The following TTC28 variants were observed in gnomAD, a reference collection of about 807,000 sequenced individuals.
The protein encoded by TTC28 is tetratricopeptide repeat domain 28.
In TTC28, 61 loss-of-function variants were observed where a neutral mutation model predicts 198.0. The observed-to-expected ratio is 0.31, with a 90% confidence interval of 0.25 to 0.38. The LOEUF is 0.38. TTC28 is among the 10% of genes least tolerant of loss of function. The pLI, the probability that TTC28 is intolerant of heterozygous loss-of-function variation, is 1.00. For missense variants in TTC28, 2,678 were observed against 3,164.0 expected (o/e 0.85, Z 3.69); for synonymous variants, 1,171 against 1,297.8 (o/e 0.90, Z 2.10).
At position 28,108,286 on chromosome 22, in the gene TTC28, A is replaced by G; in HGVS notation, c.1559T>C (p.Met520Thr). ...YAAQGRAYGN[M>T]GNAYNALGMY... ...GCCCAGGGCATTGTAGGCATTGCCC[A>G]TATTCCCATAGGCACGGCCCTGGGC... The change falls in exon 7 of 23, where the codon ATG (methionine) becomes ACG (threonine). Residue 520 changes from methionine to threonine, a missense_variant. Coordinates refer to ENST00000397906, the MANE Select transcript of TTC28 (RefSeq NM_001145418.2). 2 of 1,546,868 alleles carry G rather than the reference A, an allele frequency of 1.3e-6. No individual in the cohort carries two copies.
At chr22:28,156,914 CCAAA>C (rs1943761230) in intron 6 of TTC28, among the ~76,000 whole-genome samples, 1 of 151,768 alleles carries the variant, frequency 6.6e-6, no homozygotes, top group Non-Finnish European at 1.5e-5. Context: ...CAAGAGCAAA[CCAAA>C]CCCAAAATCA....
intron 5 of TTC28, among the ~76,000 whole-genome samples, chr22:28,270,574 G>C (rs1569231838): frequency 6.6e-6 from 1 of 151,636 alleles, no homozygotes; most frequent in African/African-American, 2.4e-5. Context: ...AATATGTACA[G>C]AGGTCACTCA....
intron 6 of TTC28, among the ~76,000 whole-genome samples, chr22:28,113,451 C>A (rs1459926435): frequency 6.6e-6 from 1 of 152,156 alleles, no homozygotes; most frequent in Non-Finnish European, 1.5e-5. Flanking sequence ...AATGATGTGA[C>A]CTGGCGAAAG....
intron 13 of TTC28, among the ~76,000 whole-genome samples, chr22:28,021,633 T>G (rs2146604720): frequency 6.6e-6 from 1 of 152,316 alleles, no homozygotes; most frequent in Admixed American, 6.5e-5. Context: ...AGCAGCTGTG[T>G]ACATGTGTGC....
intron 13 of TTC28, among the ~76,000 whole-genome samples, chr22:28,020,222 C>T (rs1247932672): frequency 1.3e-5 from 2 of 152,250 alleles, no homozygotes; most frequent in East Asian, 3.8e-4. Context: ...GGCACTGGCT[C>T]ACTTTTCTCA....
At chr22:28,612,932 C>T (rs1343770710) in intron 2 of TTC28, among the ~76,000 whole-genome samples, 8 of 151,894 alleles carry the variant, frequency 5.3e-5, no homozygotes, top group Non-Finnish European at 8.8e-5. Context: ...ACTAGAGAAG[C>T]AAGAGCAAAC....
chr22:28,426,270 G>T (rs1001974371), intron 2 of TTC28, among the ~76,000 whole-genome samples: 2 of 149,700 alleles, frequency 1.3e-5, no homozygotes, highest in Admixed American at 1.3e-4. Flanking sequence ...GTAAATATTT[G>T]TTCAATGAAT....
At chr22:28,364,592 CT>C (rs1396636681) in intron 2 of TTC28, among the ~76,000 whole-genome samples, 3 of 151,762 alleles carry the variant, frequency 2.0e-5, no homozygotes, top group Non-Finnish European at 4.4e-5. Context: ...TTCATGATTC[CT>C]AGGAGGAGGT....
chr22:28,037,295 A>G (rs923410108), intron 12 of TTC28, among the ~76,000 whole-genome samples: 5 of 152,236 alleles, frequency 3.3e-5, no homozygotes, highest in African/African-American at 1.2e-4. Flanking sequence ...CGAATCCAGC[A>G]ACACATCAAA....
intron 5 of TTC28, among the ~76,000 whole-genome samples, chr22:28,166,582 T>A (rs1334002401): frequency 6.6e-6 from 1 of 152,128 alleles, no homozygotes; most frequent in Non-Finnish European, 1.5e-5. Flanking sequence ...ACTGGGTACA[T>A]AACGAAATGA....
chr22:28,339,747 G>T (rs867120757), intron 2 of TTC28, among the ~76,000 whole-genome samples: 1 of 152,298 alleles, frequency 6.6e-6, no homozygotes, highest in East Asian at 1.9e-4. Flanking sequence ...GAAAAGCGTA[G>T]TATTACGGTG....
intron 5 of TTC28, among the ~76,000 whole-genome samples, chr22:28,251,541 C>T (rs1930507468): frequency 1.3e-5 from 2 of 152,156 alleles, no homozygotes; most frequent in Admixed American, 1.3e-4. Context: ...CTGGCTCTAT[C>T]ACTGTTAGGA....
At chr22:28,259,610 T>C (rs767930196) in intron 5 of TTC28, among the ~76,000 whole-genome samples, 17 of 152,014 alleles carry the variant, frequency 1.1e-4, no homozygotes, top group Non-Finnish European at 1.3e-4. Context: ...TATGTTTCTA[T>C]GAAAAAATGT....
intron 14 of TTC28, among the ~76,000 whole-genome samples, chr22:28,010,277 GC>G (rs1938096419): frequency 6.6e-6 from 1 of 152,142 alleles, no homozygotes; most frequent in African/African-American, 2.4e-5. Context: ...CTTGCTTGAG[GC>G]TTAAGTCCAT....
At chr22:28,561,711 A>C in intron 2 of TTC28, among the ~76,000 whole-genome samples, 1 of 152,128 alleles carries the variant, frequency 6.6e-6, no homozygotes, top group East Asian at 1.9e-4. Flanking sequence ...TCACACTCTC[A>C]ATGCTAAGCC....
intron 5 of TTC28, among the ~76,000 whole-genome samples, chr22:28,262,416 C>T (rs78099932): frequency 7.2e-5 from 11 of 152,078 alleles, no homozygotes; most frequent in East Asian, 5.8e-4. Context: ...TTCCATATGG[C>T]GGTATGGCTT....
chr22:28,428,865 C>A (rs1359774173), intron 2 of TTC28, among the ~76,000 whole-genome samples: 1 of 152,006 alleles, frequency 6.6e-6, no homozygotes, highest in African/African-American at 2.4e-5. Flanking sequence ...TGGTCTCGAT[C>A]TCCTGACCTC....
rs966913495 is a variant in TTC28, at chr22:28,495,818, T to C, written c.381+133734A>G. 2.0e-5 allele frequency among the ~76,000 whole-genome samples: 3 copies of C among 152,120 alleles called. No individual in the cohort carries two copies. The East Asian group carries it at 5.8e-4, about 29-fold the overall frequency. On this transcript the variant is annotated intron_variant, in intron 2 of 22. Coordinates refer to ENST00000397906, the MANE Select transcript of TTC28 (RefSeq NM_001145418.2). ...TTAATATAAGTTTAACACAACTGGG[T>C]AGATTTGGAGGACTTAATTCATAAT...
intron 12 of TTC28, among the ~76,000 whole-genome samples, chr22:28,039,235 G>A (rs937092403): frequency 3.9e-5 from 6 of 152,262 alleles, no homozygotes; most frequent in Admixed American, 6.5e-5. Flanking sequence ...GTTTATTGCG[G>A]CACTACTCAC....
Sources: gnomAD v4.1 joint callset for allele counts (sites outside exome capture counted in the v4.1 genomes callset) on GRCh38, gnomAD v4.1.1 for gene constraint, MANE v1.5 for transcripts, NCBI Gene and HGNC (gene_info 2026-07-23, HGNC 2026-07-21) for gene names.